SBF2: variants seen among roughly 807,000 people sequenced by gnomAD.
SBF2 encodes myotubularin-related protein 13.
In SBF2, 112 loss-of-function variants were observed where a neutral mutation model predicts 225.2. That is an observed-to-expected ratio of 0.50 (90% CI 0.43 to 0.58). SBF2 has a LOEUF of 0.58. SBF2 is among the 20% of genes least tolerant of loss of function. The probability of loss-of-function intolerance (pLI) is 0.00; values close to 1 mark genes in which losing one functional copy is unlikely to be tolerated. For missense variants in SBF2, 1,996 were observed against 2,206.2 expected (o/e 0.90, Z 1.91); for synonymous variants, 763 against 773.3 (o/e 0.99, Z 0.22).
rs766366783 is a variant in SBF2 at position 9,852,739 on chromosome 11, A to G, written c.2547T>C (p.Ala849=). ...SLHCMIPGIV[A]MHIETLEAVH... Reference sequence around the variant, plus strand: ...CTGCTTCTAGGGTCTCAATGTGCATAGCTACAATTCCTAGGATGAGTCAGA... The same window carrying G: ...CTGCTTCTAGGGTCTCAATGTGCATGGCTACAATTCCTAGGATGAGTCAGA... The change falls in exon 21 of 40, where the codon GCT becomes GCC. Residue 849 remains alanine, a synonymous_variant. Coordinates refer to ENST00000256190, the MANE Select transcript of SBF2 (RefSeq NM_030962.4). 3.7e-6 allele frequency: 6 copies of G among 1,611,396 alleles called. No individual in the cohort carries two copies. In the East Asian group the frequency reaches 1.1e-4, roughly 30 times the overall value.
intron 1 of SBF2, among the ~76,000 whole-genome samples, chr11:10,238,146 T>C (rs1959152276): frequency 6.6e-6 from 1 of 152,184 alleles, no homozygotes; most frequent in African/African-American, 2.4e-5. Context: ...CGGTGGCTCA[T>C]ACCTGTTATC....
At chr11:9,935,285 T>C (rs1323697977) in intron 16 of SBF2, among the ~76,000 whole-genome samples, 2 of 151,978 alleles carry the variant, frequency 1.3e-5, no homozygotes, top group African/African-American at 2.4e-5. Flanking sequence ...CTAGAAACCA[T>C]TGCTCAACGA....
intron 1 of SBF2, among the ~76,000 whole-genome samples, chr11:10,214,516 G>A (rs930023718): frequency 5.9e-5 from 9 of 152,102 alleles, no homozygotes; most frequent in African/African-American, 1.2e-4. Flanking sequence ...CCAGCTACTC[G>A]GGAGGCTAAG....
rs575729053 is a variant in SBF2, at chr11:10,176,058, C to T, written c.141+17844G>A. Among the ~76,000 whole-genome samples, 125 of 115,172 alleles carry T rather than the reference C, an allele frequency of 1.1e-3. 11 individuals are homozygous for T. The highest frequency in any genetic ancestry group is 3.5e-3 in the African/African-American group (112 of 31,758). 75.6% of individuals were successfully genotyped at this position (115,172 alleles called of 152,430 possible). On this transcript the variant is annotated intron_variant, in intron 2 of 39. Coordinates refer to ENST00000256190, the MANE Select transcript of SBF2 (RefSeq NM_030962.4). ...AGCACTAAATGCCCACAAGAGAAAG[C>T]AGGAAAGATCCAAACCGGCTCCTGA...
intron 9 of SBF2, among the ~76,000 whole-genome samples, chr11:9,995,048 A>AT (rs1167000802): frequency 2.0e-5 from 3 of 150,988 alleles, no homozygotes; most frequent in East Asian, 2.0e-4. Flanking sequence ...CTCAAAAAAA[A>AT]AAAAATAAAA....
chr11:9,935,588 G>A (rs1013201022), intron 16 of SBF2, among the ~76,000 whole-genome samples: 4 of 152,162 alleles, frequency 2.6e-5, no homozygotes, highest in African/African-American at 9.7e-5. Flanking sequence ...AAAACAGCAT[G>A]GTACTGGTAT....
chr11:9,932,451 G>A (rs1864564311), intron 16 of SBF2, among the ~76,000 whole-genome samples: 1 of 152,190 alleles, frequency 6.6e-6, no homozygotes. Context: ...AACCCTACAA[G>A]CCGGAAGAGA....
Position 9,901,838 on chromosome 11 carries a change from T to A in SBF2, c.1861-5827A>T, listed in dbSNP as rs934573870. On this transcript the variant is annotated intron_variant, in intron 16 of 39. Transcript: ENST00000256190. ...TTTTGTATTTTTTGTAGAGATGGGG[T>A]TTCACCTTACTGGCCAGGATGGAAT... 2.0e-4 allele frequency among the ~76,000 whole-genome samples: 31 copies of A among 152,088 alleles called. No homozygotes were observed. In the East Asian group the frequency reaches 4.3e-3, roughly 21 times the overall value.
At chr11:10,162,338 G>C (rs1014457824) in intron 2 of SBF2, among the ~76,000 whole-genome samples, 11 of 152,052 alleles carry the variant, frequency 7.2e-5, no homozygotes, top group African/African-American at 2.7e-4. Flanking sequence ...TCTATCCTTG[G>C]GGCAAAGGAG....
At chr11:9,869,381 C>T (rs554393125) in intron 17 of SBF2, among the ~76,000 whole-genome samples, 27 of 152,024 alleles carry the variant, frequency 1.8e-4, no homozygotes, top group African/African-American at 6.0e-4. Flanking sequence ...TGCAGTGGCG[C>T]GATCTCAGCT....
intron 25 of SBF2, among the ~76,000 whole-genome samples, chr11:9,840,251 G>T (rs1224720552): frequency 2.5e-5 from 2 of 80,958 alleles, no homozygotes; most frequent in East Asian, 2.5e-4. Context: ...GCCCCCAGCC[G>T]CAAAAAAAAA....
chr11:10,188,425 T>C (rs990636997), intron 2 of SBF2, among the ~76,000 whole-genome samples: 1 of 152,120 alleles, frequency 6.6e-6, no homozygotes, highest in Non-Finnish European at 1.5e-5. Context: ...TACATCTTCC[T>C]CAGGAAGTTC....
intron 1 of SBF2, among the ~76,000 whole-genome samples, chr11:10,270,534 G>T (rs914957177): frequency 2.6e-5 from 4 of 152,054 alleles, no homozygotes; most frequent in African/African-American, 9.7e-5. Flanking sequence ...CTGTCTCAAG[G>T]GTAGCAGAGG....
At chr11:10,099,378 TGAAA>T (rs1399997257) in intron 2 of SBF2, among the ~76,000 whole-genome samples, 2 of 152,044 alleles carry the variant, frequency 1.3e-5, no homozygotes, top group East Asian at 1.9e-4. Context: ...TTTTCAGAAA[TGAAA>T]GAGAGATTAA....
chr11:10,074,712 G>A (rs1164356275), intron 2 of SBF2, among the ~76,000 whole-genome samples: 3 of 152,100 alleles, frequency 2.0e-5, no homozygotes, highest in Non-Finnish European at 4.4e-5. Context: ...TTGAAAATGT[G>A]TACATTAGAT....
At chr11:9,786,049 G>A (rs999053149) in intron 36 of SBF2, among the ~76,000 whole-genome samples, 1 of 151,950 alleles carries the variant, frequency 6.6e-6, no homozygotes, top group Non-Finnish European at 1.5e-5. Flanking sequence ...TGTATTTTTA[G>A]TAGAGACAGA....
intron 2 of SBF2, 90 bp from the exon 3 acceptor site, chr11:10,043,071 A>G: frequency 7.5e-7 from 1 of 1,325,676 alleles, no homozygotes; most frequent in South Asian, 1.3e-5. Flanking sequence ...TGCCCATTTT[A>G]ACAAATTCCT....
chr11:10,291,991 C>G (rs1964188006), intron 1 of SBF2, among the ~76,000 whole-genome samples: 1 of 152,102 alleles, frequency 6.6e-6, no homozygotes, highest in Non-Finnish European at 1.5e-5. Flanking sequence ...AGGGGGCAGC[C>G]TACAAAGTGA....
rs764332950 is a variant in SBF2 at position 9,858,188 on chromosome 11, T to C, written c.2100+38A>G. The C allele has an allele frequency of 2.5e-6, 4 of 1,611,930 alleles. No individual in the cohort carries two copies. In the South Asian group the frequency reaches 4.4e-5, roughly 18 times the overall value. On this transcript the variant is annotated intron_variant, in intron 18 of 39. Coordinates refer to ENST00000256190, the MANE Select transcript of SBF2 (RefSeq NM_030962.4). ...TCTGCTTTCCTTAAAGCCAGAATCC[T>C]AATCCCACACAATTAGAGTTCTTTT... is the stretch of plus-strand genomic sequence containing the variant.
Sources: allele counts gnomAD v4.1 joint callset (sites outside exome capture counted in the v4.1 genomes callset), GRCh38; gene constraint gnomAD v4.1.1; transcripts MANE v1.5; gene names NCBI Gene and HGNC (gene_info 2026-07-23, HGNC 2026-07-21).